The following DLG5 variants were observed in gnomAD, a reference collection of about 807,000 sequenced individuals.
The protein encoded by DLG5 is disks large homolog 5.
Under a neutral mutation model 189.8 loss-of-function variants are expected in DLG5, and 48 were observed. That is an observed-to-expected ratio of 0.25 (90% CI 0.20 to 0.32). DLG5 has a LOEUF of 0.32. Among genes scored for constraint, DLG5 ranks in the 10% least tolerant of loss-of-function variants. The pLI is 1.00. For synonymous variants in DLG5, 1,016 were observed against 1,054.1 expected, an observed-to-expected ratio of 0.96 and a Z score of 0.70; for missense variants, 2,160 against 2,544.7, an observed-to-expected ratio of 0.85 and a Z score of 3.25.
chr10:77,913,474 A>G (rs1846280257), intron 1 of DLG5, among the ~76,000 whole-genome samples: 1 of 152,232 alleles, frequency 6.6e-6, no homozygotes, highest in East Asian at 1.9e-4. Flanking sequence ...CATCTCTTAG[A>G]GACACATCTT....
At chr10:77,837,045 T>C (rs993073036) in intron 7 of DLG5, among the ~76,000 whole-genome samples, 3 of 151,758 alleles carry the variant, frequency 2.0e-5, no homozygotes, top group Non-Finnish European at 4.4e-5. Context: ...TAAAACCCCA[T>C]CTCTACTAAA....
chr10:77,853,261 C>T, intron 5 of DLG5, 93 bp downstream of exon 5: 2 of 1,230,068 alleles, frequency 1.6e-6, no homozygotes, highest in Non-Finnish European at 2.1e-6. Context: ...AGCCAACGTG[C>T]CCGGCCCAGC....
At chr10:77,805,316 G>A (rs1841414363) in intron 27 of DLG5, among the ~76,000 whole-genome samples, 1 of 152,168 alleles carries the variant, frequency 6.6e-6, no homozygotes, top group Non-Finnish European at 1.5e-5. Flanking sequence ...TGGACAATGA[G>A]ATGCAAGTTG....
chr10:77,813,172 T>C (rs1395419033), intron 20 of DLG5, among the ~76,000 whole-genome samples: 6 of 152,230 alleles, frequency 3.9e-5, no homozygotes, highest in Admixed American at 3.3e-4. Context: ...AGCCTCCCGT[T>C]GGGACTTCAC....
At position 77,843,460 on chromosome 10, in the gene DLG5, G is replaced by C; in HGVS notation, c.1111C>G (p.Leu371Val). 3 of 1,613,780 alleles carry C rather than the reference G, an allele frequency of 1.9e-6. No individual in the cohort carries two copies. The South Asian group carries it at 3.3e-5, about 18-fold the overall frequency. Residue 371 changes from leucine (L) to valine (V), a missense_variant, in exon 6 of 32, where the codon CTC becomes GTC. Coordinates refer to ENST00000372391, the MANE Select transcript of DLG5 (RefSeq NM_004747.4). ...TAIQLQHQCALSLRRFEAIHH... is the reference protein window; with the variant it reads ...TAIQLQHQCAVSLRRFEAIHH... ...CCCTAGCCCTACCTCCTCAGGGAGA[G>C]GGCGCACTGGTGCTGCAGCTGGATG... is the stretch of plus-strand genomic sequence containing the variant.
chr10:77,874,015 C>T (rs1031660977), intron 1 of DLG5, among the ~76,000 whole-genome samples: 2 of 152,224 alleles, frequency 1.3e-5, no homozygotes, highest in Non-Finnish European at 2.9e-5. Flanking sequence ...CACAGCCTGA[C>T]GAACCACAGC....
chr10:77,903,245 T>C (rs1589269279), intron 1 of DLG5, among the ~76,000 whole-genome samples: 1 of 151,896 alleles, frequency 6.6e-6, no homozygotes, highest in Admixed American at 6.6e-5. Context: ...CTGGCCAATA[T>C]GGAGAACCCC....
chr10:77,936,448 A>C, the DLG5 span, among the ~76,000 whole-genome samples: 4 of 60,628 alleles, frequency 6.6e-5, no homozygotes, highest in East Asian at 1.2e-3. Flanking sequence ...AAACAAAACA[A>C]AAAAAAAAAA....
intron 1 of DLG5, among the ~76,000 whole-genome samples, chr10:77,871,931 AT>A (rs1844918369): frequency 6.6e-6 from 1 of 152,188 alleles, no homozygotes; most frequent in Non-Finnish European, 1.5e-5. Context: ...GTCAAATGCA[AT>A]TCGGGCAATC....
Position 77,810,994 on chromosome 10 carries a change from CAT to C in DLG5, c.4463+98_4463+99del. 5.5e-6 allele frequency: 8 copies of C among 1,463,422 alleles called. No individual in the cohort carries two copies. The South Asian group carries it at 9.3e-5, about 17-fold the overall frequency. The allele number at this position is 1,463,422 out of a possible 1,614,324, so 90.7% of individuals were successfully genotyped here. A position where few individuals can be genotyped will look rare whatever the true frequency, so the allele number is the denominator to read the frequency against. ...AAGACCTGGTGTGCGGCCTGCAGCA[CAT>C]GAGGCCAGCTGCCCAGTGCCCACGC... On this transcript the variant is annotated intron_variant, in intron 23 of 31. Coordinates refer to ENST00000372391, the MANE Select transcript of DLG5 (RefSeq NM_004747.4).
chr10:77,850,608 C>G (rs1156730488), intron 5 of DLG5, among the ~76,000 whole-genome samples: 1 of 152,170 alleles, frequency 6.6e-6, no homozygotes, highest in African/African-American at 2.4e-5. Flanking sequence ...ACTAGGCTGC[C>G]TTTCACAGTG....
intron 17 of DLG5, among the ~76,000 whole-genome samples, chr10:77,819,058 G>T (rs992119414): frequency 2.0e-4 from 31 of 152,180 alleles, no homozygotes; most frequent in African/African-American, 7.0e-4. Flanking sequence ...ATTCATAAAG[G>T]TCTGAGCACA....
At chr10:77,871,372 G>A (rs1300078217) in intron 1 of DLG5, among the ~76,000 whole-genome samples, 1 of 152,008 alleles carries the variant, frequency 6.6e-6, no homozygotes, top group East Asian at 1.9e-4. Context: ...TCTGAAGGGA[G>A]ATGAAACCAG....
At chr10:77,815,395 C>T (rs555496284) in intron 20 of DLG5, among the ~76,000 whole-genome samples, 1 of 152,308 alleles carries the variant, frequency 6.6e-6, no homozygotes, top group South Asian at 2.1e-4. Context: ...CACGGTGGCT[C>T]ACGTCTGTAA....
chr10:77,835,687 C>G, intron 8 of DLG5, 51 bp downstream of exon 8: 1 of 1,547,652 alleles, frequency 6.5e-7, no homozygotes, highest in Non-Finnish European at 8.7e-7. Flanking sequence ...CTAGCAGGTC[C>G]CCTCATCCTG....
intron 1 of DLG5, among the ~76,000 whole-genome samples, chr10:77,907,302 G>A (rs750973691): frequency 4.3e-4 from 65 of 152,150 alleles, no homozygotes; most frequent in Non-Finnish European, 5.7e-4. Flanking sequence ...TAACTGGGCC[G>A]GCGCGGTGAC....
chr10:77,892,840 A>G (rs1845650595), intron 1 of DLG5, among the ~76,000 whole-genome samples: 1 of 152,244 alleles, frequency 6.6e-6, no homozygotes. Flanking sequence ...AAATGAAAAT[A>G]AAGGATTGCT....
the DLG5 span, among the ~76,000 whole-genome samples, chr10:77,935,592 C>G: frequency 6.6e-6 from 1 of 152,212 alleles, no homozygotes; most frequent in Non-Finnish European, 1.5e-5. Context: ...GAGTGTGCAG[C>G]TCCTTTGGAA....
intron 23 of DLG5, 65 bp from the exon 24 acceptor site, chr10:77,809,795 T>C: frequency 6.5e-7 from 1 of 1,546,054 alleles, no homozygotes; most frequent in Non-Finnish European, 8.8e-7. Context: ...GACAAAGCAG[T>C]GGCCAATGCC....
Sources: allele counts gnomAD v4.1 joint callset (sites outside exome capture counted in the v4.1 genomes callset), GRCh38; gene constraint gnomAD v4.1.1; transcripts MANE v1.5; gene names NCBI Gene and HGNC (gene_info 2026-07-23, HGNC 2026-07-21).